PTCHD1: variants seen among roughly 807,000 people sequenced by gnomAD.
The protein encoded by PTCHD1 is patched domain-containing protein 1.
In PTCHD1, 3 loss-of-function variants were observed where a neutral mutation model predicts 34.6. The ratio of observed to expected loss-of-function variants is 0.09; its 90% CI spans 0.04 to 0.22. The LOEUF is 0.22. Among genes scored for constraint, PTCHD1 ranks in the 10% least tolerant of loss-of-function variants. The pLI is 1.00. For synonymous variants in PTCHD1, 305 were observed against 283.1 expected (o/e 1.08, Z -0.77); for missense variants, 504 against 685.5 (o/e 0.74, Z 2.96).
chrX:23,380,499 T>C (rs1922533684), intron 2 of PTCHD1, among the ~76,000 whole-genome samples: 1 of 111,528 alleles, frequency 9.0e-6, no homozygotes, highest in African/African-American at 3.3e-5. Flanking sequence ...ATGTGGTGTC[T>C]AGCAGGTATT....
intron 1 of PTCHD1, among the ~76,000 whole-genome samples, chrX:23,371,657 CAG>C (rs1403320373): frequency 9.0e-6 from 1 of 110,854 alleles, no homozygotes; most frequent in African/African-American, 3.3e-5. Context: ...GTGTTATGAA[CAG>C]AGGCAGGATT....
intron 1 of PTCHD1, among the ~76,000 whole-genome samples, chrX:23,343,606 C>G (rs1284632549): frequency 8.9e-6 from 1 of 112,551 alleles, no homozygotes; most frequent in Non-Finnish European, 1.9e-5. Context: ...CTTAGTCCCA[C>G]TCTTCTTAAA....
chrX:23,380,077 G>T lies in PTCHD1; in HGVS notation c.838G>T (p.Val280Phe), dbSNP rs980601421. 3 of 1,211,959 alleles carry T rather than the reference G, an allele frequency of 2.5e-6. No homozygotes were observed. The African/African-American group carries it at 5.2e-5, about 21-fold the overall frequency. ...CCTGGTCACCAGCCTGATTCTGGTG[G>T]TTACCATGGCCATCCTGTGTTGCTC... ...RYLVTSLILV[V>F]TMAILCCSMQ... is the part of the protein sequence containing the mutation. The change falls in exon 2 of 3, where the codon GTT becomes TTT. Residue 280 changes from valine to phenylalanine, a missense_variant. By Grantham distance (50) the Val-to-Phe change is conservative (BLOSUM62 -1). Transcript: ENST00000379361.
chrX:23,392,041 C>CT (rs1456668806), intron 2 of PTCHD1, among the ~76,000 whole-genome samples: 12 of 74,364 alleles, frequency 1.6e-4, no homozygotes, highest in East Asian at 4.3e-4. Flanking sequence ...CATTTTCTTT[C>CT]TTTTTTTTTC....
chrX:23,367,184 G>C (rs1311431803), intron 1 of PTCHD1, among the ~76,000 whole-genome samples: 1 of 112,068 alleles, frequency 8.9e-6, no homozygotes, highest in Non-Finnish European at 1.9e-5. Context: ...GTAATGCCCA[G>C]TATGGTGTAG....
rs370157711 is a variant in PTCHD1, at chrX:23,393,684, G to A, written c.2166G>A (p.Leu722=). The change falls in exon 3 of 3, where the codon CTG becomes CTA. Residue 722 remains leucine, a synonymous_variant. Transcript: ENST00000379361. The part of the protein sequence containing the change: ...FFSAFLVADS[L]INVWITLTVV... ...CGGCATTCCTGGTGGCAGATTCACT[G>A]ATTAACGTCTGGATCACTCTCACAG... 24 of 1,210,245 alleles carry A rather than the reference G, an allele frequency of 2.0e-5. No homozygotes were observed. In the African/African-American group the frequency reaches 3.0e-4, roughly 15 times the overall value.
At chrX:23,345,735 C>T (rs1921458026) in intron 1 of PTCHD1, among the ~76,000 whole-genome samples, 1 of 111,524 alleles carries the variant, frequency 9.0e-6, no homozygotes, top group African/African-American at 3.3e-5. Context: ...AAATTAGCTA[C>T]CAGGACTACT....
At chrX:23,343,118 T>G (rs185125135) in intron 1 of PTCHD1, among the ~76,000 whole-genome samples, 2 of 112,411 alleles carry the variant, frequency 1.8e-5, no homozygotes, top group African/African-American at 6.5e-5. Flanking sequence ...GCCTCCCTAT[T>G]GATTTATTTT....
intron 2 of PTCHD1, among the ~76,000 whole-genome samples, chrX:23,381,942 G>C (rs1274889524): frequency 8.9e-6 from 1 of 112,066 alleles, no homozygotes; most frequent in Non-Finnish European, 1.9e-5. Flanking sequence ...TTGAAATTAA[G>C]ATGTTTTGCT....
intron 1 of PTCHD1, among the ~76,000 whole-genome samples, chrX:23,342,433 C>A (rs1921367991): frequency 9.6e-6 from 1 of 104,355 alleles, no homozygotes; most frequent in East Asian, 2.9e-4. Flanking sequence ...CTGAGAGCAT[C>A]TGCCCTAAGG....
rs5971112 is a variant in PTCHD1 at position 23,380,520 on chromosome X, T to G, written c.1012+269T>G. On this transcript the variant is annotated intron_variant, in intron 2 of 2. Coordinates refer to ENST00000379361, the MANE Select transcript of PTCHD1 (RefSeq NM_173495.3). ...TGTCTAGCAGGTATTAATCTTCTCC[T>G]TGTCCCAGTGTCTTAGGTTGGGCTT... Among the ~76,000 whole-genome samples the G allele has an allele frequency of 0.12, 13,442 of 110,828 alleles. 1,256 individuals are homozygous for G. Among genetic ancestry groups the G allele is most frequent in the African/African-American group, 0.32 (9,680 of 30,249 alleles).
intron 2 of PTCHD1, among the ~76,000 whole-genome samples, chrX:23,387,008 A>G (rs1922700312): frequency 8.9e-6 from 1 of 111,858 alleles, no homozygotes; most frequent in Non-Finnish European, 1.9e-5. Context: ...TGTTGTGGCT[A>G]TGTATACTGG....
At chrX:23,365,595 A>T (rs765147998) in intron 1 of PTCHD1, among the ~76,000 whole-genome samples, 17 of 111,647 alleles carry the variant, frequency 1.5e-4, no homozygotes, top group Non-Finnish European at 1.5e-4. Context: ...AGCTCTGGGA[A>T]CCAGCTTACA....
chrX:23,392,763 C>A lies in PTCHD1; in HGVS notation c.1245C>A (p.Leu415=), dbSNP rs769574170. 1 of 1,211,242 alleles carries A rather than the reference C, an allele frequency of 8.3e-7. No individual in the cohort carries two copies. Among genetic ancestry groups the A allele is most frequent in the East Asian group, 3.0e-5 (1 of 33,862 alleles). The stretch of plus-strand genomic sequence containing the variant: ...GTATTGCAATCTTCTTCAACTACCT[C>A]TATGTACTCTCGTTTTATGGTTCCA... The part of the protein sequence containing the change: ...NSCIAIFFNY[L]YVLSFYGSSL... The change falls in exon 3 of 3, where the codon CTC becomes CTA. Residue 415 remains leucine (L), a synonymous_variant. Transcript: ENST00000379361.
intron 1 of PTCHD1, among the ~76,000 whole-genome samples, chrX:23,346,329 G>A (rs1045035805): frequency 2.7e-5 from 3 of 111,645 alleles, no homozygotes; most frequent in Non-Finnish European, 5.6e-5. Context: ...GTGGGGTTTT[G>A]CAGTAGGGGA....
At chrX:23,366,921 TACACACACACAC>T (rs61606231) in intron 1 of PTCHD1, among the ~76,000 whole-genome samples, 3 of 99,380 alleles carry the variant, frequency 3.0e-5, no homozygotes, top group Non-Finnish European at 4.1e-5. Context: ...ATGCTCCTGG[TACACACACACAC>T]ACACACACAC....
intron 1 of PTCHD1, among the ~76,000 whole-genome samples, chrX:23,364,417 G>A (rs867421775): frequency 2.0e-4 from 18 of 89,466 alleles, no homozygotes; most frequent in Non-Finnish European, 2.9e-4. Flanking sequence ...CACACACACC[G>A]TATTCAGTGA....
upstream of PTCHD1, chrX:23,334,601 G>A (rs1921094995): frequency 9.3e-6 from 1 of 107,382 alleles, no homozygotes; most frequent in African/African-American, 3.3e-5. Flanking sequence ...GGCGGAGTGG[G>A]GGCGGCGCAG....
At position 23,348,269 on chromosome X, in the gene PTCHD1, GA is replaced by G. The variant is rs150677783; in HGVS notation, c.351+13056del. Among the ~76,000 whole-genome samples, 149 of 83,224 alleles carry G rather than the reference GA, an allele frequency of 1.8e-3. No homozygotes were observed. In the East Asian group the frequency reaches 0.032, roughly 18 times the overall value. The allele number at this position is 83,224 out of a possible 115,157, so 72.3% of individuals were successfully genotyped here. A position where few individuals can be genotyped will look rare whatever the true frequency, so the allele number is the denominator to read the frequency against. On this transcript the variant is annotated intron_variant, in intron 1 of 2. Coordinates refer to ENST00000379361, the MANE Select transcript of PTCHD1 (RefSeq NM_173495.3). ...AACTGAAACACAAAGAGTTAAAAGA[GA>G]AAAAAAAAAAAACCCAAACGGAACA...
Sources: gnomAD v4.1 joint callset for allele counts (sites outside exome capture counted in the v4.1 genomes callset) on GRCh38, gnomAD v4.1.1 for gene constraint, MANE v1.5 for transcripts, NCBI Gene and HGNC (gene_info 2026-07-23, HGNC 2026-07-21) for gene names.